EVI5: variants seen among roughly 807,000 people sequenced by gnomAD.
EVI5 encodes ecotropic viral integration site 5.
A neutral mutation model predicts 112.0 loss-of-function variants in EVI5; 73 were observed. The ratio of observed to expected loss-of-function variants is 0.65; its 90% CI spans 0.54 to 0.79. The LOEUF (loss-of-function observed/expected upper bound fraction) is 0.79. EVI5 is among the 30% of genes least tolerant of loss of function. EVI5 has a pLI of 0.00. For missense variants in EVI5, 900 were observed against 968.8 expected, an observed-to-expected ratio of 0.93 and a Z score of 0.94; for synonymous variants, 305 against 319.9, an observed-to-expected ratio of 0.95 and a Z score of 0.50.
chr1:92,624,428 A>C, intron 15 of EVI5, 94 bp from the exon 16 acceptor site: 1 of 938,744 alleles, frequency 1.1e-6, no homozygotes, highest in Non-Finnish European at 1.6e-6. Context: ...GTGATATATA[A>C]AACACTTTCC....
chr1:92,520,422 TC>T (rs1660710183), intron 19 of EVI5, among the ~76,000 whole-genome samples: 3 of 152,154 alleles, frequency 2.0e-5, no homozygotes, highest in African/African-American at 4.8e-5. Flanking sequence ...ATGATGTAGA[TC>T]CTGTAAATTA....
chr1:92,548,206 T>C (rs905475215), intron 19 of EVI5, among the ~76,000 whole-genome samples: 4 of 152,174 alleles, frequency 2.6e-5, no homozygotes, highest in African/African-American at 9.7e-5. Flanking sequence ...CGAAAATCAA[T>C]AAATGTAATC....
At chr1:92,774,557 GCAAGTTTTGTTCCTATCTCTCAT>G (rs1175609431) in intron 1 of EVI5, among the ~76,000 whole-genome samples, 1 of 152,136 alleles carries the variant, frequency 6.6e-6, no homozygotes, top group Admixed American at 6.6e-5. Context: ...CCATAATAAA[GCAAGTTTTGTTCCTATCTCTCAT>G]CAAGGTCCCT....
chr1:92,516,825 T>C (rs535571957), intron 19 of EVI5, among the ~76,000 whole-genome samples: 2 of 151,374 alleles, frequency 1.3e-5, no homozygotes, highest in Non-Finnish European at 2.9e-5. Context: ...GGGCAAACTA[T>C]ATTTAAGCAA....
At chr1:92,644,510 T>C (rs1660587673) in intron 13 of EVI5, among the ~76,000 whole-genome samples, 1 of 152,220 alleles carries the variant, frequency 6.6e-6, no homozygotes, top group African/African-American at 2.4e-5. Context: ...AACTGATTTC[T>C]ACACTTTTTA....
At chr1:92,582,533 C>T (rs1225301367) in intron 18 of EVI5, among the ~76,000 whole-genome samples, 1 of 151,752 alleles carries the variant, frequency 6.6e-6, no homozygotes, top group Non-Finnish European at 1.5e-5. Flanking sequence ...AAGCAAAAGC[C>T]TTAATGTAGG....
chr1:92,753,272 T>C (rs1019446012), intron 1 of EVI5, among the ~76,000 whole-genome samples: 3 of 152,196 alleles, frequency 2.0e-5, no homozygotes, highest in African/African-American at 4.8e-5. Context: ...GGAGGATCAC[T>C]TGAGCCCAGG....
chr1:92,583,068 A>G (rs991702790), intron 18 of EVI5, among the ~76,000 whole-genome samples: 1 of 152,186 alleles, frequency 6.6e-6, no homozygotes, highest in African/African-American at 2.4e-5. Context: ...GGGAATATAT[A>G]TTCTGCTTAT....
intron 1 of EVI5, chr1:92,756,908 T>A: frequency 2.6e-6 from 1 of 378,406 alleles, no homozygotes; most frequent in Non-Finnish European, 5.3e-6. Context: ...TAACCAGAGC[T>A]TTCAGACAAA....
chr1:92,665,905 C>T (rs1486950891), intron 11 of EVI5, 34 bp downstream of exon 11: 1 of 1,460,564 alleles, frequency 6.8e-7, no homozygotes, highest in Non-Finnish European at 9.4e-7. Context: ...ACCAGGCATT[C>T]AACAGAAGCT....
At chr1:92,578,986 T>A (rs917750405) in intron 18 of EVI5, among the ~76,000 whole-genome samples, 2 of 152,184 alleles carry the variant, frequency 1.3e-5, no homozygotes, top group African/African-American at 4.8e-5. Flanking sequence ...GTGCTGGTAT[T>A]ACAGGTGTGA....
At chr1:92,712,926 A>T (rs1042346774) in intron 2 of EVI5, among the ~76,000 whole-genome samples, 10 of 151,064 alleles carry the variant, frequency 6.6e-5, no homozygotes, top group African/African-American at 9.7e-5. Context: ...AAAGCTTTTT[A>T]AAAAAGATGA....
intron 1 of EVI5, among the ~76,000 whole-genome samples, chr1:92,783,720 G>A (rs1164406158): frequency 1.3e-5 from 2 of 150,574 alleles, no homozygotes; most frequent in Non-Finnish European, 3.0e-5. Flanking sequence ...GCTGAGGCAG[G>A]AGAATTGCTT....
rs11449365 is a variant in EVI5, at chr1:92,768,079, C to CAAAA, written c.-82+16753_-82+16756dup. ...TGGGCAACAGAGCAAGACCCTATCT[C>CAAAA]AAAAAAAAAAAAAAGAGAACTCATA... On this transcript the variant is annotated intron_variant, in intron 1 of 19. Transcript: ENST00000684568. Among the ~76,000 whole-genome samples, 42 of 135,066 alleles carry CAAAA rather than the reference C, an allele frequency of 3.1e-4. 1 individual carries two copies. Among genetic ancestry groups the CAAAA allele is most frequent in the African/African-American group, 7.9e-4 (29 of 36,500 alleles). The allele number at this position is 135,066 out of a possible 152,430, so 88.6% of individuals were successfully genotyped here.
chr1:92,524,595 G>A (rs182781084), intron 19 of EVI5, among the ~76,000 whole-genome samples: 28 of 152,204 alleles, frequency 1.8e-4, no homozygotes, highest in African/African-American at 5.8e-4. Flanking sequence ...TCACTGAAGC[G>A]CACCACCCAA....
chr1:92,602,857 T>G (rs1224991997), intron 18 of EVI5, among the ~76,000 whole-genome samples: 1 of 151,944 alleles, frequency 6.6e-6, no homozygotes, highest in African/African-American at 2.4e-5. Context: ...GTACGTTGAT[T>G]CAGCAAAATT....
At chr1:92,558,897 A>T (rs1668084443) in intron 19 of EVI5, among the ~76,000 whole-genome samples, 1 of 151,914 alleles carries the variant, frequency 6.6e-6, no homozygotes, top group Non-Finnish European at 1.5e-5. Context: ...ACACCAACCA[A>T]AAAAACCCCT....
At chr1:92,572,827 T>C (rs750835391) in intron 18 of EVI5, among the ~76,000 whole-genome samples, 68 of 152,078 alleles carry the variant, frequency 4.5e-4, no homozygotes, top group Non-Finnish European at 8.1e-4. Context: ...CTATGATATA[T>C]GAATATAAAG....
chr1:92,638,365 T>C (rs921063850), intron 13 of EVI5, among the ~76,000 whole-genome samples: 1 of 151,932 alleles, frequency 6.6e-6, no homozygotes, highest in African/African-American at 2.4e-5. Flanking sequence ...TATTTTAGTC[T>C]TCTGGATTAA....
Sources: allele counts gnomAD v4.1 joint callset (sites outside exome capture counted in the v4.1 genomes callset), GRCh38; gene constraint gnomAD v4.1.1; transcripts MANE v1.5; gene names NCBI Gene and HGNC (gene_info 2026-07-23, HGNC 2026-07-21).